The following CNTNAP2 variants were observed in gnomAD, a reference collection of about 807,000 sequenced individuals.
The protein encoded by CNTNAP2 is contactin-associated protein-like 2.
Under a neutral mutation model 155.2 loss-of-function variants are expected in CNTNAP2, and 98 were observed. The observed-to-expected ratio is 0.63, with a 90% CI of 0.54 to 0.75. CNTNAP2 has a LOEUF of 0.75. CNTNAP2 is among the 30% of genes least tolerant of loss of function. The pLI is 0.00. For synonymous variants in CNTNAP2, 651 were observed against 631.2 expected (o/e 1.03, Z -0.47); for missense variants, 1,727 against 1,688.1 (o/e 1.02, Z -0.40).
chr7:148,034,848 G>A (rs1802543824), intron 15 of CNTNAP2, among the ~76,000 whole-genome samples: 2 of 152,226 alleles, frequency 1.3e-5, no homozygotes, highest in Admixed American at 6.5e-5. Flanking sequence ...TGATCAGAAT[G>A]TTGGTAGAAA....
In CNTNAP2 at chr7:148,042,131, A is replaced by T. The variant is rs187795315; in HGVS notation, c.2383+64142A>T. 8.0e-3 allele frequency among the ~76,000 whole-genome samples: 1,225 copies of T among 152,288 alleles called. 13 individuals carry two copies. The highest frequency in any genetic ancestry group is 0.013 in the Non-Finnish European group (858 of 68,026). ...TGTTATTTCTTTTACAATTGTGATT[A>T]AAAAAACACATAACACCAAATTGAC... On this transcript the variant is annotated intron_variant, in intron 15 of 23. Transcript: ENST00000361727.
chr7:148,369,376 T>G (rs1373761279), intron 21 of CNTNAP2, among the ~76,000 whole-genome samples: 1 of 151,586 alleles, frequency 6.6e-6, no homozygotes, highest in East Asian at 1.9e-4. Context: ...TTTGTGCCAC[T>G]ACACCCGGCT....
chr7:147,992,060 A>G (rs1351470677), intron 15 of CNTNAP2, among the ~76,000 whole-genome samples: 1 of 151,610 alleles, frequency 6.6e-6, no homozygotes, highest in Middle Eastern at 3.2e-3. Context: ...AAACTATTGT[A>G]AAAACATAAG....
chr7:146,288,908 G>A (rs778043255), intron 1 of CNTNAP2, among the ~76,000 whole-genome samples: 11 of 145,774 alleles, frequency 7.5e-5, no homozygotes, highest in Non-Finnish European at 1.6e-4. Context: ...AGGTTCAAGC[G>A]ATTCTCCTGC....
chr7:147,326,387 G>T (rs569519850), intron 9 of CNTNAP2, among the ~76,000 whole-genome samples: 8 of 152,138 alleles, frequency 5.3e-5, no homozygotes, highest in Non-Finnish European at 1.0e-4. Flanking sequence ...TCTTTTCATG[G>T]TTGAATCGTA....
intron 1 of CNTNAP2, among the ~76,000 whole-genome samples, chr7:146,281,719 C>T (rs527442289): frequency 5.8e-4 from 88 of 151,752 alleles, no homozygotes; most frequent in African/African-American, 1.6e-3. Flanking sequence ...CACTTGCACC[C>T]GGGAGGTGGA....
At chr7:147,690,486 C>T (rs147087264) in intron 13 of CNTNAP2, among the ~76,000 whole-genome samples, 2,506 of 152,148 alleles carry the variant, frequency 0.016, 223 homozygotes, top group Admixed American at 0.15. Context: ...CAGGCATTTA[C>T]GATGATGGTG....
At chr7:146,454,817 G>T (rs1292245147) in intron 1 of CNTNAP2, among the ~76,000 whole-genome samples, 1 of 151,960 alleles carries the variant, frequency 6.6e-6, no homozygotes, top group African/African-American at 2.4e-5. Flanking sequence ...GAAAAATTTG[G>T]AAATAAAGTG....
At chr7:148,037,271 C>T (rs1013638573) in intron 15 of CNTNAP2, among the ~76,000 whole-genome samples, 1 of 152,170 alleles carries the variant, frequency 6.6e-6, no homozygotes, top group African/African-American at 2.4e-5. Flanking sequence ...TGTCGAAATC[C>T]TTCCAAAATG....
intron 2 of CNTNAP2, among the ~76,000 whole-genome samples, chr7:146,824,849 G>T (rs966043127): frequency 1.5e-4 from 18 of 123,472 alleles, no homozygotes; most frequent in African/African-American, 5.4e-4. Context: ...GGTGTACAAA[G>T]AATTTTGGAC....
intron 3 of CNTNAP2, among the ~76,000 whole-genome samples, chr7:146,934,747 A>T (rs74601174): frequency 3.3e-5 from 5 of 152,164 alleles, no homozygotes; most frequent in African/African-American, 7.2e-5. Flanking sequence ...ATCATGACCA[A>T]GTCAAGTTCA....
At chr7:146,526,908 A>AT (rs144396005) in intron 1 of CNTNAP2, among the ~76,000 whole-genome samples, 5,400 of 152,052 alleles carry the variant, frequency 0.036, 305 homozygotes, top group African/African-American at 0.12. Flanking sequence ...TGGATTTAAA[A>AT]CTTTTTATTA....
rs550596893 is a variant in CNTNAP2, at chr7:146,792,250, C to CA, written c.208+17878dup. ...TTCTTTATTATATGACATCTTATAT[C>CA]AAAAAAAAAGAAAAAGCTAAAAAAA... is the stretch of plus-strand genomic sequence containing the variant. On this transcript the variant is annotated intron_variant, in intron 2 of 23. Coordinates refer to ENST00000361727, the MANE Select transcript of CNTNAP2 (RefSeq NM_014141.6). 4.2e-3 allele frequency among the ~76,000 whole-genome samples: 615 copies of CA among 146,096 alleles called. 2 individuals are homozygous for CA. The highest frequency in any genetic ancestry group is 0.014 in the South Asian group (64 of 4,648).
At chr7:148,347,256 CAAA>C (rs753738070) in intron 21 of CNTNAP2, among the ~76,000 whole-genome samples, 6 of 99,474 alleles carry the variant, frequency 6.0e-5, no homozygotes, top group Non-Finnish European at 4.2e-5. Context: ...GACTCCGTCT[CAAA>C]AAAAAAAAAA....
At chr7:147,533,688 T>G (rs1468314260) in intron 11 of CNTNAP2, among the ~76,000 whole-genome samples, 1 of 151,700 alleles carries the variant, frequency 6.6e-6, no homozygotes, top group Non-Finnish European at 1.5e-5. Flanking sequence ...AGAGGATCAC[T>G]TGAGCCCAGG....
intron 3 of CNTNAP2, among the ~76,000 whole-genome samples, chr7:147,032,462 A>G (rs1799053925): frequency 2.0e-5 from 3 of 152,178 alleles, no homozygotes; most frequent in Admixed American, 6.5e-5. Flanking sequence ...TCATTCCTAT[A>G]TGTTTGTCTT....
intron 15 of CNTNAP2, among the ~76,000 whole-genome samples, chr7:148,103,338 C>T (rs183468045): frequency 6.6e-6 from 1 of 152,100 alleles, no homozygotes; most frequent in African/African-American, 2.4e-5. Context: ...ACATCATCCA[C>T]GCAGCAGCAA....
intron 15 of CNTNAP2, among the ~76,000 whole-genome samples, chr7:148,082,696 T>G (rs544293763): frequency 6.6e-5 from 10 of 152,126 alleles, no homozygotes; most frequent in Non-Finnish European, 1.2e-4. Flanking sequence ...TTTTTTTGTT[T>G]TGTGACAGAG....
At chr7:147,949,113 A>C (rs796384576) in intron 14 of CNTNAP2, among the ~76,000 whole-genome samples, 21 of 152,122 alleles carry the variant, frequency 1.4e-4, no homozygotes, top group African/African-American at 4.6e-4. Flanking sequence ...AGGCAGGAGA[A>C]TCGCTTGAAC....
Sources: allele counts gnomAD v4.1 joint callset (sites outside exome capture counted in the v4.1 genomes callset), GRCh38; gene constraint gnomAD v4.1.1; transcripts MANE v1.5; gene names NCBI Gene and HGNC (gene_info 2026-07-23, HGNC 2026-07-21).